NIPAL3: variants seen among roughly 807,000 people sequenced by gnomAD.
NIPAL3 encodes NIPA like domain containing 3, also known as NIPA-like protein 3.
NIPAL3 carries 41 observed loss-of-function variants against 47.2 expected under a neutral mutation model. That is an observed-to-expected ratio of 0.87 (90% CI 0.68 to 1.13). The LOEUF (loss-of-function observed/expected upper bound fraction) is 1.13, where lower values mean the gene tolerates loss of function less well. NIPAL3 is among the 50% of genes most tolerant of loss of function. The pLI, the probability that NIPAL3 is intolerant of heterozygous loss-of-function variation, is 0.00. For synonymous variants in NIPAL3, 194 were observed against 209.6 expected (o/e 0.93, Z 0.64); for missense variants, 449 against 530.1 (o/e 0.85, Z 1.50).
In NIPAL3 at chr1:24,448,259, A is replaced by G. The variant is rs1645767174; in HGVS notation, c.395-1222A>G. 2.0e-5 allele frequency among the ~76,000 whole-genome samples: 3 copies of G among 152,072 alleles called. No homozygotes were observed. In the South Asian group the frequency reaches 6.2e-4, roughly 32 times the overall value. ...GTGGTCACCATAAGTGTGTCTTAGA[A>G]CTCTCAGCCATTTTTTGGCTGCCTG... On this transcript the variant is annotated intron_variant, in intron 5 of 11. Transcript: ENST00000374399.
Position 24,451,232 on chromosome 1 carries a change from C to A in NIPAL3, c.540+1606C>A, listed in dbSNP as rs1481774523. On this transcript the variant is annotated intron_variant, in intron 6 of 11. Coordinates refer to ENST00000374399, the MANE Select transcript of NIPAL3 (RefSeq NM_020448.5). This position sits in a 1 kb window ranked among gnomAD's most constrained non-coding sequence, Gnocchi z 4.5. ...GTGCTGCCAGCTGGAGAGATTTGGC[C>A]AAACCAAATTCAGTCAATATTTATT... 7.2e-5 allele frequency among the ~76,000 whole-genome samples: 11 copies of A among 152,152 alleles called. No homozygotes were observed. The highest frequency in any genetic ancestry group is 2.4e-4 in the African/African-American group (10 of 41,422).
chr1:24,441,694 A>G (rs1645392757), intron 3 of NIPAL3, among the ~76,000 whole-genome samples: 1 of 152,116 alleles, frequency 6.6e-6, no homozygotes, highest in Non-Finnish European at 1.5e-5. Context: ...GCCAAGTGGG[A>G]TCTTTAGACT....
chr1:24,428,262 GA>G (rs1644702945), intron 2 of NIPAL3, among the ~76,000 whole-genome samples: 12 of 55,398 alleles, frequency 2.2e-4, no homozygotes, highest in African/African-American at 1.0e-3. Context: ...AAAAGAAAGA[GA>G]GAGAGAGAGA....
At chr1:24,450,577 G>A (rs1410759032) in intron 6 of NIPAL3, among the ~76,000 whole-genome samples, 3 of 152,152 alleles carry the variant, frequency 2.0e-5, no homozygotes, top group Non-Finnish European at 4.4e-5. Context: ...CCTGCGCTGT[G>A]CTAAACACAT....
In NIPAL3 at chr1:24,456,221, A is replaced by G. The variant is rs142784122; in HGVS notation, c.721A>G (p.Ile241Val). Residue 241 changes from isoleucine to valine, a missense_variant, in exon 8 of 12, where the codon ATC (isoleucine) becomes GTC (valine). Physicochemically the swap from Ile to Val is conservative, Grantham distance 29. Transcript: ENST00000374399. The stretch of plus-strand genomic sequence containing the variant: ...AGGGAACCTGCAGCTTGACTACCCC[A>G]TCTTCTACGTGATGTTCGTGTGCAT... ...IQGNLQLDYP[I>V]FYVMFVCMVA... 5 of 1,613,976 alleles carry G rather than the reference A, an allele frequency of 3.1e-6. No individual in the cohort carries two copies. The African/African-American group carries it at 6.7e-5, about 22-fold the overall frequency.
intron 5 of NIPAL3, 124 bp downstream of exon 5, chr1:24,445,368 GC>G: frequency 1.6e-6 from 1 of 629,858 alleles, no homozygotes. Context: ...TCTATGTTCT[GC>G]CCTCAACAGG....
chr1:24,446,302 A>G (rs1473716590), intron 5 of NIPAL3, among the ~76,000 whole-genome samples: 1 of 152,108 alleles, frequency 6.6e-6, no homozygotes, highest in African/African-American at 2.4e-5. Flanking sequence ...GTACATGTGC[A>G]GGATGTGCAG....
chr1:24,461,100 T>C (rs1038134407), intron 10 of NIPAL3, among the ~76,000 whole-genome samples: 2 of 152,186 alleles, frequency 1.3e-5, no homozygotes, highest in South Asian at 2.1e-4. Flanking sequence ...AAGCAAACAA[T>C]TGAAAACAAT....
intron 10 of NIPAL3, among the ~76,000 whole-genome samples, chr1:24,462,447 C>T (rs568591180): frequency 2.2e-4 from 34 of 152,182 alleles, no homozygotes; most frequent in Non-Finnish European, 4.3e-4. Flanking sequence ...TATATTCAGA[C>T]AATGGGTTCT....
intron 2 of NIPAL3, among the ~76,000 whole-genome samples, chr1:24,435,127 A>G (rs1026029705): frequency 3.9e-5 from 6 of 152,242 alleles, no homozygotes; most frequent in Admixed American, 3.9e-4. Context: ...GTTGATTTCA[A>G]CAAAGATGCT....
intron 2 of NIPAL3, among the ~76,000 whole-genome samples, chr1:24,428,741 C>A (rs1480436091): frequency 1.3e-5 from 2 of 152,202 alleles, no homozygotes; most frequent in African/African-American, 2.4e-5. Context: ...TTTCAGCGAA[C>A]CTTCCAAGGG....
intron 10 of NIPAL3, among the ~76,000 whole-genome samples, chr1:24,463,472 G>A (rs75458287): frequency 0.03 from 4,609 of 152,144 alleles, 236 homozygotes; most frequent in African/African-American, 0.1. Context: ...TAGACATCTA[G>A]GGTTTGTGCA....
chr1:24,419,701 T>C, intron 2 of NIPAL3, 61 bp downstream of exon 2: 1 of 1,451,280 alleles, frequency 6.9e-7, no homozygotes, highest in African/African-American at 1.4e-5. Flanking sequence ...TACACAGTGC[T>C]CTGCATTGGC....
chr1:24,419,932 A>AG (rs1438429517), intron 2 of NIPAL3: 1 of 281,692 alleles, frequency 3.5e-6, no homozygotes, highest in Non-Finnish European at 6.9e-6. Context: ...AAACACAAAG[A>AG]TTGGCTGGGC....
chr1:24,453,894 A>G (rs892709826), intron 7 of NIPAL3, among the ~76,000 whole-genome samples: 1 of 152,168 alleles, frequency 6.6e-6, no homozygotes, highest in Non-Finnish European at 1.5e-5. Flanking sequence ...AACCTATCAG[A>G]GCTTAGGGAT....
intron 6 of NIPAL3, among the ~76,000 whole-genome samples, chr1:24,452,521 C>T (rs1327541545): frequency 6.6e-6 from 1 of 152,112 alleles, no homozygotes; most frequent in Admixed American, 6.6e-5. Flanking sequence ...ATTCTTAACC[C>T]TACTCCACAG....
rs770018746 is a variant in NIPAL3 at position 24,419,627 on chromosome 1, CCTT to C, written c.83_85del (p.Phe28del). On this transcript the variant is annotated inframe_deletion, in exon 2 of 12. Transcript: ENST00000374399. ...AGCTCCAGCGCCGTAAGCGAGGCCT[CCTT>C]CTCCTACAAGGCAAGGGCTTTTTTG... is the stretch of plus-strand genomic sequence containing the variant. 2.5e-5 allele frequency: 40 copies of C among 1,613,834 alleles called. No individual in the cohort carries two copies. Among genetic ancestry groups the C allele is most frequent in the East Asian group, 6.7e-5 (3 of 44,882 alleles).
Position 24,471,384 on chromosome 1 carries a change from G to A in NIPAL3, c.*2199G>A, listed in dbSNP as rs1646895811. ...AGCCCAGGAGTTTTATATCAGCCTG[G>A]GCAACATAGCAAGACCTCATCTCTG... On this transcript the variant is annotated 3_prime_UTR_variant, in exon 12 of 12. Transcript: ENST00000374399. The A allele has an allele frequency of 6.5e-6, 1 of 152,978 alleles. No homozygotes were observed. Among genetic ancestry groups the A allele is most frequent in the South Asian group, 2.1e-4 (1 of 4,838 alleles). The allele number at this position is 152,978 out of a possible 1,614,324, so 9.5% of individuals were successfully genotyped here.
chr1:24,425,120 C>T (rs1211806376), intron 2 of NIPAL3, among the ~76,000 whole-genome samples: 1 of 152,102 alleles, frequency 6.6e-6, no homozygotes, highest in Non-Finnish European at 1.5e-5. Flanking sequence ...AGCTTTACCT[C>T]AGCTGGGAAA....
Sources: gnomAD v4.1 joint callset for allele counts (sites outside exome capture counted in the v4.1 genomes callset) on GRCh38, gnomAD v4.1.1 for gene constraint, Gnocchi (gnomAD v3.1) non-coding constraint, MANE v1.5 for transcripts, NCBI Gene and HGNC (gene_info 2026-07-23, HGNC 2026-07-21) for gene names.